Variants in KIF4A observed in about 807,000 individuals in gnomAD.
KIF4A encodes the protein chromosome-associated kinesin KIF4A.
In KIF4A, 7 loss-of-function variants were observed where a neutral mutation model predicts 105.9. The ratio of observed to expected loss-of-function variants is 0.07; its 90% confidence interval spans 0.04 to 0.12. The LOEUF (loss-of-function observed/expected upper bound fraction) is 0.12. Ranked by LOEUF, KIF4A falls within the 10% of genes least tolerant of loss-of-function variation. The pLI is 1.00. For missense variants in KIF4A, 558 were observed against 929.2 expected, an observed-to-expected ratio of 0.60 and a Z score of 5.19; for synonymous variants, 281 against 331.3, an observed-to-expected ratio of 0.85 and a Z score of 1.65.
At chrX:70,383,038 G>A (rs1427132277) in intron 18 of KIF4A, among the ~76,000 whole-genome samples, 2 of 109,962 alleles carry the variant, frequency 1.8e-5, no homozygotes, top group Non-Finnish European at 3.8e-5. Context: ...TGCAAAAAAA[G>A]TGGCCGGGTG....
intron 18 of KIF4A, among the ~76,000 whole-genome samples, chrX:70,385,292 C>T (rs762743852): frequency 2.7e-5 from 3 of 111,665 alleles, no homozygotes; most frequent in African/African-American, 9.7e-5. Flanking sequence ...CTGGTAGGAA[C>T]TACTTACAAG....
intron 8 of KIF4A, 102 bp downstream of exon 8, chrX:70,329,623 A>T (rs1714164518): frequency 3.3e-6 from 2 of 610,458 alleles, no homozygotes; most frequent in Non-Finnish European, 5.2e-6. Flanking sequence ...GGACTATGAC[A>T]TACACAGTTG....
At chrX:70,360,025 G>A (rs569381071) in intron 15 of KIF4A, among the ~76,000 whole-genome samples, 1 of 111,155 alleles carries the variant, frequency 9.0e-6, no homozygotes, top group Non-Finnish European at 1.9e-5. Flanking sequence ...CAAATACGAG[G>A]CTCTTGTTAA....
At chrX:70,309,375 T>G (rs1444129181) in intron 7 of KIF4A, among the ~76,000 whole-genome samples, 1 of 112,332 alleles carries the variant, frequency 8.9e-6, no homozygotes, top group Non-Finnish European at 1.9e-5. Flanking sequence ...TGTTGTATTT[T>G]TCTTATTGAT....
chrX:70,370,935 C>CAAA (rs754711052), intron 15 of KIF4A, among the ~76,000 whole-genome samples: 15 of 67,422 alleles, frequency 2.2e-4, no homozygotes, highest in East Asian at 4.8e-4. Flanking sequence ...GACTCTGTCT[C>CAAA]AAAAAAAAAA....
intron 7 of KIF4A, among the ~76,000 whole-genome samples, chrX:70,318,476 A>G (rs1470104595): frequency 1.8e-5 from 2 of 111,813 alleles, no homozygotes; most frequent in African/African-American, 6.5e-5. Flanking sequence ...CAACGCCCAT[A>G]TGAACCTTCT....
At chrX:70,360,669 A>AG (rs1217024788) in intron 15 of KIF4A, among the ~76,000 whole-genome samples, 2 of 113,024 alleles carry the variant, frequency 1.8e-5, no homozygotes, top group Non-Finnish European at 3.8e-5. Context: ...CTGGGCAGAA[A>AG]GGGCAGATCC....
chrX:70,362,169 A>G (rs1569241947), intron 15 of KIF4A: 1 of 251,658 alleles, frequency 4.0e-6, no homozygotes, highest in Non-Finnish European at 7.4e-6. Flanking sequence ...ATGAGGCAAG[A>G]CCTTGTAGTC....
intron 15 of KIF4A, among the ~76,000 whole-genome samples, chrX:70,355,829 A>G (rs1192683470): frequency 9.0e-6 from 1 of 111,568 alleles, no homozygotes; most frequent in East Asian, 2.8e-4. Context: ...ACAAGTACTC[A>G]TGCTTTTTTT....
At chrX:70,345,866 G>A (rs2085990605) in intron 13 of KIF4A, among the ~76,000 whole-genome samples, 1 of 111,335 alleles carries the variant, frequency 9.0e-6, no homozygotes, top group Non-Finnish European at 1.9e-5. Context: ...CCTCTCTCGT[G>A]TGCTTTCTTT....
At chrX:70,336,098 T>C (rs1053510608) in intron 10 of KIF4A, among the ~76,000 whole-genome samples, 5 of 112,148 alleles carry the variant, frequency 4.5e-5, no homozygotes, top group African/African-American at 1.6e-4. Context: ...GGTTGGGTAC[T>C]GTATGTAATG....
rs778735747 is a variant in KIF4A, at chrX:70,420,035, A to G, written c.3496-27A>G. 8 of 1,195,803 alleles carry G rather than the reference A, an allele frequency of 6.7e-6. No homozygotes were observed. The Admixed American group carries it at 1.6e-4, about 23-fold the overall frequency. Reference sequence around the variant, plus strand: ...GAGCTTCTGCCCCTTTCTAAAGTCTATTCATACCTGTCTCTGTCCCTCCTA... The same window carrying G: ...GAGCTTCTGCCCCTTTCTAAAGTCTGTTCATACCTGTCTCTGTCCCTCCTA... On this transcript the variant is annotated intron_variant, in intron 30 of 30. Transcript: ENST00000374403.
intron 20 of KIF4A, 42 bp from the exon 21 acceptor site, chrX:70,395,629 A>C (rs748842505): frequency 2.5e-6 from 3 of 1,206,131 alleles, no homozygotes; most frequent in Non-Finnish European, 3.4e-6. Flanking sequence ...TGAGCTAGTG[A>C]TTCCTCATCC....
chrX:70,340,754 C>T (rs1241612284), intron 10 of KIF4A, among the ~76,000 whole-genome samples: 1 of 111,349 alleles, frequency 9.0e-6, no homozygotes, highest in East Asian at 2.8e-4. Context: ...GGCATCTACT[C>T]TATTCCTGAA....
chrX:70,419,801 C>T lies in KIF4A; in HGVS notation c.3495+18C>T. On this transcript the variant is annotated intron_variant, in intron 30 of 30. Transcript: ENST00000374403. ...ATAGCAAGGTAGGTGGGCTAAAAGG[C>T]AGGCATTGGAAAACTGGATTAGCGT... 1 of 1,210,530 alleles carries T rather than the reference C, an allele frequency of 8.3e-7. No homozygotes were observed. Among genetic ancestry groups the T allele is most frequent in the Non-Finnish European group, 1.1e-6 (1 of 895,027 alleles).
At chrX:70,396,966 G>A (rs1201716719) in intron 22 of KIF4A, among the ~76,000 whole-genome samples, 1 of 111,452 alleles carries the variant, frequency 9.0e-6, no homozygotes, top group Admixed American at 9.5e-5. Flanking sequence ...CCAGCTACTC[G>A]GGAGGCTGAG....
intron 3 of KIF4A, among the ~76,000 whole-genome samples, chrX:70,294,287 C>G (rs1302128655): frequency 8.9e-6 from 1 of 111,997 alleles, no homozygotes; most frequent in Non-Finnish European, 1.9e-5. Flanking sequence ...CTGTCATCTC[C>G]TATGACAACA....
intron 7 of KIF4A, among the ~76,000 whole-genome samples, chrX:70,303,050 A>G (rs2085810742): frequency 1.8e-5 from 2 of 112,033 alleles, no homozygotes; most frequent in Non-Finnish European, 3.8e-5. Flanking sequence ...CCAGCTTAGT[A>G]ACAATACAAA....
At chrX:70,390,899 C>A (rs1177687959) in intron 20 of KIF4A, among the ~76,000 whole-genome samples, 1 of 111,646 alleles carries the variant, frequency 9.0e-6, no homozygotes, top group African/African-American at 3.2e-5. Context: ...TAGCATAATT[C>A]GAGATTAATT....
Sources: gnomAD v4.1 joint callset for allele counts (sites outside exome capture counted in the v4.1 genomes callset) on GRCh38, gnomAD v4.1.1 for gene constraint, MANE v1.5 for transcripts, NCBI Gene and HGNC (gene_info 2026-07-23, HGNC 2026-07-21) for gene names.